Variants in HMMR observed in about 807,000 individuals in gnomAD.
The protein encoded by HMMR is hyaluronan mediated motility receptor.
HMMR carries 108 observed loss-of-function variants against 101.0 expected under a neutral mutation model. The observed-to-expected ratio is 1.07, with a 90% CI of 0.92 to 1.25. The LOEUF is 1.25. Ranked by LOEUF, HMMR falls within the 50% of genes most tolerant of loss-of-function variation. HMMR has a pLI of 0.00. For missense variants in HMMR, 813 were observed against 788.7 expected (o/e 1.03, Z -0.37); for synonymous variants, 296 against 276.4 (o/e 1.07, Z -0.70).
intron 16 of HMMR, among the ~76,000 whole-genome samples, chr5:163,487,702 T>G (rs1401307516): frequency 6.6e-6 from 1 of 152,152 alleles, no homozygotes; most frequent in Admixed American, 6.5e-5. Flanking sequence ...TATATAATTG[T>G]TCATAGTATT....
rs913605577 is a variant in HMMR, at chr5:163,461,748, A to G, written c.46+1010A>G. 2.6e-5 allele frequency among the ~76,000 whole-genome samples: 4 copies of G among 151,710 alleles called. No homozygotes were observed. The South Asian group carries it at 8.3e-4, about 32-fold the overall frequency. On this transcript the variant is annotated intron_variant, in intron 1 of 17. Transcript: ENST00000393915. The stretch of plus-strand genomic sequence containing the variant: ...CGATGAGCCGAGATCGCGCCACTGC[A>G]CTCCAGCCTGGGCGACAGAGCAAGA...
intron 3 of HMMR, among the ~76,000 whole-genome samples, chr5:163,467,484 T>G (rs1758739826): frequency 6.6e-6 from 1 of 152,194 alleles, no homozygotes; most frequent in Admixed American, 6.5e-5. Flanking sequence ...AAATCCTGAT[T>G]TATTGGGTTG....
chr5:163,482,938 T>G, intron 13 of HMMR, 82 bp from the exon 14 acceptor site: 9 of 1,385,962 alleles, frequency 6.5e-6, no homozygotes, highest in South Asian at 1.4e-5. Flanking sequence ...GAAGAGTTCC[T>G]TGAGGTTTAA....
At position 163,484,068 on chromosome 5, in the gene HMMR, G is replaced by A; in HGVS notation, c.1786-1G>A. On this transcript the variant is annotated splice_acceptor_variant, in intron 15 of 17. Transcript: ENST00000393915. LOFTEE classifies it high-confidence loss of function. ...AACTTTATTTAAAAAATCTTTTTCA[G>A]CTACAACTAGATGCTTTTGAAGTAG... 1 of 1,569,024 alleles carries A rather than the reference G, an allele frequency of 6.4e-7. No homozygotes were observed. Among genetic ancestry groups the A allele is most frequent in the Non-Finnish European group, 8.7e-7 (1 of 1,155,390 alleles).
intron 12 of HMMR, among the ~76,000 whole-genome samples, chr5:163,480,064 T>C (rs972824672): frequency 3.3e-5 from 5 of 152,176 alleles, no homozygotes; most frequent in African/African-American, 4.8e-5. Context: ...ACTGTAGAGC[T>C]TGAAGATAAA....
intron 16 of HMMR, among the ~76,000 whole-genome samples, chr5:163,487,740 A>G (rs904040519): frequency 6.6e-6 from 1 of 151,422 alleles, no homozygotes; most frequent in African/African-American, 2.4e-5. Context: ...TTATTTCTGT[A>G]AGGTCAGTAG....
At chr5:163,488,399 G>A (rs1397754427) in intron 16 of HMMR, among the ~76,000 whole-genome samples, 1 of 151,996 alleles carries the variant, frequency 6.6e-6, no homozygotes, top group Non-Finnish European at 1.5e-5. Flanking sequence ...ATACTTTTCT[G>A]TTTATTGGCA....
intron 10 of HMMR, chr5:163,474,647 C>T (rs1759010693): frequency 2.2e-6 from 1 of 450,560 alleles, no homozygotes; most frequent in East Asian, 6.9e-5. Context: ...AGGAGAAGTT[C>T]TGGCCTGTAA....
At chr5:163,463,133 T>C (rs1377044065) in intron 1 of HMMR, among the ~76,000 whole-genome samples, 6 of 152,228 alleles carry the variant, frequency 3.9e-5, no homozygotes, top group Non-Finnish European at 8.8e-5. Context: ...AGTGAAATTA[T>C]GCAGTATAAA....
chr5:163,489,646 T>C (rs1378682279), intron 16 of HMMR, among the ~76,000 whole-genome samples: 1 of 152,116 alleles, frequency 6.6e-6, no homozygotes, highest in Non-Finnish European at 1.5e-5. Context: ...GAAAGAGTCA[T>C]CGGGGCCCAG....
intron 12 of HMMR, among the ~76,000 whole-genome samples, chr5:163,479,517 T>G (rs897439832): frequency 6.6e-6 from 1 of 151,594 alleles, no homozygotes; most frequent in Non-Finnish European, 1.5e-5. Flanking sequence ...CAAAAAAAAA[T>G]ATTAAGAATT....
Position 163,491,163 on chromosome 5 carries a change from A to G in HMMR, c.2177A>G (p.Ter726=). The G allele has an allele frequency of 6.5e-7, 1 of 1,533,530 alleles. No homozygotes were observed. Among genetic ancestry groups the G allele is most frequent in the Non-Finnish European group, 8.9e-7 (1 of 1,123,544 alleles). The allele number at this position is 1,533,530 out of a possible 1,614,324, so 95.0% of individuals were successfully genotyped here. A position where few individuals can be genotyped will look rare whatever the true frequency, so the allele number is the denominator to read the frequency against. ...APMECQESWK[*] ...ATGGAGTGTCAAGAATCATGGAAGT[A>G]AACATCTGAGAAACCTGTTGAAGAT... The change falls in exon 18 of 18, where the codon TAA becomes TGA. Residue 726 remains the stop codon, a stop_retained_variant. Transcript: ENST00000393915.
At chr5:163,474,471 G>A (rs1175713978) in intron 10 of HMMR, 9 of 471,838 alleles carry the variant, frequency 1.9e-5, no homozygotes, top group South Asian at 1.5e-4. Flanking sequence ...TCATTCTTGT[G>A]TTATTTAGGC....
intron 4 of HMMR, among the ~76,000 whole-genome samples, chr5:163,468,850 A>G (rs1758779119): frequency 6.6e-6 from 1 of 150,920 alleles, no homozygotes; most frequent in African/African-American, 2.4e-5. Flanking sequence ...TGGCTTCCAC[A>G]TTTTCTGTTG....
intron 3 of HMMR, among the ~76,000 whole-genome samples, chr5:163,466,030 G>C (rs1213253071): frequency 6.6e-6 from 1 of 150,718 alleles, no homozygotes. Context: ...TTGGGAGGCT[G>C]AAGCAGGTGG....
chr5:163,464,083 A>G, intron 2 of HMMR, 129 bp downstream of exon 2: 1 of 418,890 alleles, frequency 2.4e-6, no homozygotes, highest in Non-Finnish European at 4.3e-6. Context: ...ATTTTATTTG[A>G]TGGATTTATG....
intron 16 of HMMR, among the ~76,000 whole-genome samples, chr5:163,488,722 C>T (rs535584730): frequency 1.3e-5 from 2 of 152,302 alleles, no homozygotes; most frequent in South Asian, 4.1e-4. Flanking sequence ...TGGCTCCTTG[C>T]TTGATTATTT....
chr5:163,475,010 G>A (rs761290118), intron 10 of HMMR, among the ~76,000 whole-genome samples: 2 of 152,002 alleles, frequency 1.3e-5, no homozygotes, highest in African/African-American at 4.8e-5. Context: ...CTAAAATTAG[G>A]GGGGGAAGTC....
At chr5:163,482,412 T>C (rs1759301717) in intron 12 of HMMR, among the ~76,000 whole-genome samples, 1 of 152,240 alleles carries the variant, frequency 6.6e-6, no homozygotes, top group Non-Finnish European at 1.5e-5. Flanking sequence ...TATGCATACT[T>C]CCTGCACCTA....
Sources: allele counts gnomAD v4.1 joint callset (sites outside exome capture counted in the v4.1 genomes callset), GRCh38; gene constraint gnomAD v4.1.1; transcripts MANE v1.5; gene names NCBI Gene and HGNC (gene_info 2026-07-23, HGNC 2026-07-21).